Variants in LASP1 observed in about 807,000 individuals in gnomAD.
The protein encoded by LASP1 is LIM and SH3 protein 1.
In LASP1, 10 loss-of-function variants were observed where a neutral mutation model predicts 38.6. The observed-to-expected ratio is 0.26, with a 90% confidence interval of 0.16 to 0.44. LASP1 has a LOEUF of 0.44. Ranked by LOEUF, LASP1 falls within the 20% of genes least tolerant of loss-of-function variation. The pLI, the probability that LASP1 is intolerant of heterozygous loss-of-function variation, is 1.00. For missense variants in LASP1, 243 were observed against 375.7 expected, an observed-to-expected ratio of 0.65 and a Z score of 2.92; for synonymous variants, 132 against 140.8, an observed-to-expected ratio of 0.94 and a Z score of 0.44.
At position 38,908,706 on chromosome 17, in the gene LASP1, G is replaced by C. The variant is rs570046019; in HGVS notation, c.358-5619G>C. ...TGGACTCCCCCCAGACTCTGTCCAG[G>C]CCCTTACCACTGCCCTCCCTGTGCC... On this transcript the variant is annotated intron_variant, in intron 4 of 6. Transcript: ENST00000318008. 3.3e-5 allele frequency among the ~76,000 whole-genome samples: 5 copies of C among 152,326 alleles called. No homozygotes were observed. The South Asian group carries it at 1.0e-3, about 32-fold the overall frequency.
chr17:38,878,737 G>C (rs1274656894), intron 2 of LASP1, among the ~76,000 whole-genome samples: 2 of 152,102 alleles, frequency 1.3e-5, no homozygotes, highest in Non-Finnish European at 2.9e-5. Context: ...CCCTTTTGGT[G>C]TTCATTTTTT....
At chr17:38,876,231 T>G (rs1024816745) in intron 1 of LASP1, among the ~76,000 whole-genome samples, 3 of 145,990 alleles carry the variant, frequency 2.1e-5, no homozygotes, top group Non-Finnish European at 4.5e-5. Context: ...CAGGCTGGAG[T>G]GCAGTGGCAC....
chr17:38,920,292 C>T lies in LASP1; in HGVS notation c.*1514C>T, dbSNP rs1915264256. 9.9e-6 allele frequency: 4 copies of T among 403,850 alleles called. 1 individual carries two copies. Among genetic ancestry groups the T allele is most frequent in the South Asian group, 4.9e-5 (2 of 40,462 alleles). 25.0% of individuals were successfully genotyped at this position (403,850 alleles called of 1,614,324 possible). A position where few individuals can be genotyped will look rare whatever the true frequency, so the allele number is the denominator to read the frequency against. Reference sequence around the variant, plus strand: ...GTGGGTGTCTCCCTCGGGGGCTCTTCCCCTAGACCTCCCCCTCACTTACAT... The same window carrying T: ...GTGGGTGTCTCCCTCGGGGGCTCTTTCCCTAGACCTCCCCCTCACTTACAT... On this transcript the variant is annotated 3_prime_UTR_variant, in exon 7 of 7. Transcript: ENST00000318008.
intron 4 of LASP1, among the ~76,000 whole-genome samples, chr17:38,910,341 A>G (rs867284243): frequency 2.6e-5 from 4 of 152,190 alleles, no homozygotes; most frequent in Admixed American, 1.3e-4. Context: ...ATAAGAGGTA[A>G]TTGAGTGGGT....
chr17:38,876,176 C>CTTTTT (rs899457098), intron 1 of LASP1, among the ~76,000 whole-genome samples: 3 of 127,630 alleles, frequency 2.4e-5, no homozygotes, highest in African/African-American at 9.3e-5. Context: ...GATCGTTTCT[C>CTTTTT]TTTTTTTTTT....
rs530593526 is a variant in LASP1, at chr17:38,892,551, G to GACACACACAC, written c.249+2078_249+2087dup. Among the ~76,000 whole-genome samples the GACACACACAC allele has an allele frequency of 2.5e-3, 361 of 143,834 alleles. 1 individual carries two copies. The highest frequency in any genetic ancestry group is 0.011 in the East Asian group (54 of 4,790). 94.4% of individuals were successfully genotyped at this position (143,834 alleles called of 152,430 possible). A position where few individuals can be genotyped will look rare whatever the true frequency, so the allele number is the denominator to read the frequency against. ...TGGGAGCAGATAGCAGGTCTTTGGA[G>GACACACACAC]ACACACACACACACACACACACACA... On this transcript the variant is annotated intron_variant, in intron 3 of 6. Transcript: ENST00000318008.
At chr17:38,903,532 A>AT (rs988838176) in intron 4 of LASP1, among the ~76,000 whole-genome samples, 6 of 151,198 alleles carry the variant, frequency 4.0e-5, no homozygotes, top group Admixed American at 6.6e-5. Context: ...GCTAATTGTT[A>AT]TTTTTTTTGT....
At chr17:38,899,413 G>A (rs1202985489) in intron 4 of LASP1, among the ~76,000 whole-genome samples, 4 of 152,162 alleles carry the variant, frequency 2.6e-5, no homozygotes, top group Admixed American at 6.5e-5. Flanking sequence ...GGGGGAGCCT[G>A]GCTTTCCGGT....
intron 2 of LASP1, 85 bp downstream of exon 2, chr17:38,878,265 A>G: frequency 1.1e-6 from 1 of 884,516 alleles, no homozygotes; most frequent in Non-Finnish European, 1.9e-6. Context: ...AATAACCGCA[A>G]GGTGACATTG....
chr17:38,918,693 A>AC lies in LASP1; in HGVS notation c.701_702insC (p.Gln234HisfsTer50). 2 of 1,614,110 alleles carry AC rather than the reference A, an allele frequency of 1.2e-6. No homozygotes were observed. The highest frequency in any genetic ancestry group is 1.7e-6 in the Non-Finnish European group (2 of 1,179,974). On this transcript the variant is annotated frameshift_variant, in exon 7 of 7. Transcript: ENST00000318008. LOFTEE classifies it high-confidence loss of function. This position sits in a 1 kb window ranked among gnomAD's most constrained non-coding sequence, Gnocchi z 4.4. Reference sequence around the variant, plus strand: ...GGGGACACCATCGTCAACGTGCAGCAGATCGACGACGGCTGGATGTACGGG... The same window carrying AC: ...GGGGACACCATCGTCAACGTGCAGCACGATCGACGACGGCTGGATGTACGGG...
intron 1 of LASP1, chr17:38,874,005 GCCTGTTTA>G (rs3837797): frequency 0.086 from 13,057 of 152,268 alleles, 872 homozygotes; most frequent in East Asian, 0.38. Context: ...GCCCCTACCA[GCCTGTTTA>G]CCTTTCTTTA....
At chr17:38,902,015 C>T (rs1009185930) in intron 4 of LASP1, among the ~76,000 whole-genome samples, 1 of 152,136 alleles carries the variant, frequency 6.6e-6, no homozygotes, top group Non-Finnish European at 1.5e-5. Flanking sequence ...GATCCACCCG[C>T]CTCGGCCTCC....
intron 2 of LASP1, among the ~76,000 whole-genome samples, chr17:38,887,550 C>T (rs1333758128): frequency 1.2e-4 from 19 of 152,214 alleles, no homozygotes; most frequent in Admixed American, 2.6e-4. Flanking sequence ...GCTGCGGACA[C>T]CTGTGTTTGC....
Position 38,921,701 on chromosome 17 carries a change from C to T in LASP1, c.*2923C>T. 1 of 230,190 alleles carries T rather than the reference C, an allele frequency of 4.3e-6. No individual in the cohort carries two copies. Among genetic ancestry groups the T allele is most frequent in the Admixed American group, 5.7e-5 (1 of 17,672 alleles). The allele number at this position is 230,190 out of a possible 1,614,324, so 14.3% of individuals were successfully genotyped here. A position where few individuals can be genotyped will look rare whatever the true frequency, so the allele number is the denominator to read the frequency against. On this transcript the variant is annotated 3_prime_UTR_variant, in exon 7 of 7. Transcript: ENST00000318008. ...CTTTCTGGCCTGTTATGATTCTGAA[C>T]ATTTGACTTGAACCACAAGTGAATC...
At position 38,884,836 on chromosome 17, in the gene LASP1, G is replaced by A. The variant is rs1283530002; in HGVS notation, c.165-5584G>A. On this transcript the variant is annotated intron_variant, in intron 2 of 6. Coordinates refer to ENST00000318008, the MANE Select transcript of LASP1 (RefSeq NM_006148.4). ...CTCCTGGGTAGCTGGGACTACAGGC[G>A]TGTGTCACCACGCCCGGCTAATTTT... Among the ~76,000 whole-genome samples the A allele has an allele frequency of 3.3e-5, 5 of 151,688 alleles. No homozygotes were observed. In the East Asian group the frequency reaches 9.7e-4, roughly 29 times the overall value.
intron 3 of LASP1, among the ~76,000 whole-genome samples, chr17:38,898,141 G>T (rs1474786025): frequency 6.6e-6 from 1 of 152,218 alleles, no homozygotes. Context: ...GTGGCTATAT[G>T]TATGGTGGGA....
intron 4 of LASP1, among the ~76,000 whole-genome samples, chr17:38,905,138 T>C (rs1214064523): frequency 6.6e-6 from 1 of 152,206 alleles, no homozygotes; most frequent in African/African-American, 2.4e-5. Context: ...ATTGATTCTG[T>C]TGCTGGTGGA....
chr17:38,880,182 CT>C (rs1313289778), intron 2 of LASP1, among the ~76,000 whole-genome samples: 1 of 152,244 alleles, frequency 6.6e-6, no homozygotes, highest in African/African-American at 2.4e-5. Context: ...GATTCTGAGC[CT>C]CCGCCCCAGC....
intron 3 of LASP1, among the ~76,000 whole-genome samples, chr17:38,893,625 C>A (rs2143776737): frequency 6.6e-6 from 1 of 152,284 alleles, no homozygotes; most frequent in South Asian, 2.1e-4. Context: ...CTTCCCACCG[C>A]CCACCAGCTG....
Sources: allele counts gnomAD v4.1 joint callset (sites outside exome capture counted in the v4.1 genomes callset), GRCh38; gene constraint gnomAD v4.1.1; non-coding constraint Gnocchi (gnomAD v3.1); transcripts MANE v1.5; gene names NCBI Gene and HGNC (gene_info 2026-07-23, HGNC 2026-07-21).